AGAP1: variants seen among roughly 807,000 people sequenced by gnomAD.
AGAP1 encodes the protein arf-GAP with GTPase, ANK repeat and PH domain-containing protein 1.
AGAP1 carries 29 observed loss-of-function variants against 105.3 expected under a neutral mutation model. That is an observed-to-expected ratio of 0.28 (90% CI 0.21 to 0.38). The LOEUF is 0.38. AGAP1 is among the 10% of genes least tolerant of loss of function. The pLI, the probability that AGAP1 is intolerant of heterozygous loss-of-function variation, is 1.00. For synonymous variants in AGAP1, 509 were observed against 485.9 expected (o/e 1.05, Z -0.63); for missense variants, 998 against 1,165.1 (o/e 0.86, Z 2.09).
chr2:235,597,686 CCTGT>C (rs1174299139), intron 1 of AGAP1, among the ~76,000 whole-genome samples: 1 of 151,900 alleles, frequency 6.6e-6, no homozygotes, highest in Non-Finnish European at 1.5e-5. Flanking sequence ...CCGCTGGGGC[CCTGT>C]CTGTGTGGAG....
Position 235,734,057 on chromosome 2 carries a change from T to C in AGAP1, c.311-6906T>C, listed in dbSNP as rs986912010. Among the ~76,000 whole-genome samples the C allele has an allele frequency of 7.2e-5, 11 of 152,212 alleles. No homozygotes were observed. Among genetic ancestry groups the C allele is most frequent in the Admixed American group, 5.9e-4 (9 of 15,286 alleles). On this transcript the variant is annotated intron_variant, in intron 3 of 17. Transcript: ENST00000304032. This position sits in a 1 kb window ranked among gnomAD's most constrained non-coding sequence, Gnocchi z 5.3. ...GAGCCAAACTTATTTTTTACAAATT[T>C]CTGGCGCATTCATGATTGAAATTTT...
At chr2:235,688,037 G>A (rs969110979) in intron 1 of AGAP1, among the ~76,000 whole-genome samples, 1 of 151,894 alleles carries the variant, frequency 6.6e-6, no homozygotes, top group Non-Finnish European at 1.5e-5. Context: ...GAGTAGCTGG[G>A]ATTACAGGCA....
rs539168399 is a variant in AGAP1 at position 235,515,943 on chromosome 2, A to G, written c.163+21094A>G. Reference sequence around the variant, plus strand: ...TAAGGGCCTGCTAGGAGCGGGGAGAAGTTGGTTGCTGGGGTGTGCGGCCTC... The same window carrying G: ...TAAGGGCCTGCTAGGAGCGGGGAGAGGTTGGTTGCTGGGGTGTGCGGCCTC... On this transcript the variant is annotated intron_variant, in intron 1 of 17. Transcript: ENST00000304032. 6.6e-5 allele frequency among the ~76,000 whole-genome samples: 10 copies of G among 152,194 alleles called. No individual in the cohort carries two copies. In the South Asian group the frequency reaches 2.1e-3, roughly 32 times the overall value.
chr2:236,094,838 A>G (rs2059152528), intron 16 of AGAP1, among the ~76,000 whole-genome samples: 1 of 149,344 alleles, frequency 6.7e-6, no homozygotes, highest in African/African-American at 2.5e-5. Flanking sequence ...TAATCCTAAA[A>G]CTTTCAGAGG....
chr2:235,885,478 T>C (rs2050233408), intron 10 of AGAP1, among the ~76,000 whole-genome samples: 2 of 152,234 alleles, frequency 1.3e-5, no homozygotes, highest in South Asian at 2.1e-4. Flanking sequence ...TTCCTAGCAA[T>C]TGGCTTCCTG....
At position 235,927,786 on chromosome 2, in the gene AGAP1, G is replaced by T. The variant is rs1271939664; in HGVS notation, c.1325-2979G>T. The stretch of plus-strand genomic sequence containing the variant: ...CGGAGAACCACTCTCCAGGGAGAAG[G>T]AGCAAGAGAAGCGGTGCTCTATTGA... On this transcript the variant is annotated intron_variant, in intron 11 of 17. Transcript: ENST00000304032. The surrounding 1 kb of genome is among the most constrained non-coding windows in gnomAD (Gnocchi z 4.4). Among the ~76,000 whole-genome samples, 1 of 152,220 alleles carries T rather than the reference G, an allele frequency of 6.6e-6. No individual in the cohort carries two copies. The highest frequency in any genetic ancestry group is 1.5e-5 in the Non-Finnish European group (1 of 68,040).
chr2:236,040,866 G>C lies in AGAP1; in HGVS notation c.1891+25G>C. The stretch of plus-strand genomic sequence containing the variant: ...AGTAAGTGTGTGCGGTGGTAGCAGG[G>C]GCTGGCGCTGTGTAGCTGGAGACCA... On this transcript the variant is annotated intron_variant, in intron 15 of 17. Transcript: ENST00000304032. The surrounding 1 kb of genome is among the most constrained non-coding windows in gnomAD (Gnocchi z 5.6). 6.2e-7 allele frequency: 1 copy of C among 1,613,184 alleles called. No homozygotes were observed. Among genetic ancestry groups the C allele is most frequent in the Non-Finnish European group, 8.5e-7 (1 of 1,179,238 alleles).
At chr2:235,757,661 GCCGAGAGC>G (rs940938991) in intron 6 of AGAP1, among the ~76,000 whole-genome samples, 1 of 152,182 alleles carries the variant, frequency 6.6e-6, no homozygotes, top group African/African-American at 2.4e-5. Context: ...TCTAACCCAT[GCCGAGAGC>G]CCGAGCTGGG....
intron 1 of AGAP1, among the ~76,000 whole-genome samples, chr2:235,584,669 C>T (rs562995632): frequency 6.6e-6 from 1 of 151,926 alleles, no homozygotes; most frequent in Admixed American, 6.6e-5. Context: ...TTTTGAACTT[C>T]TGGCTTCCAG....
rs2058180260 is a variant in AGAP1, at chr2:236,061,029, C to T, written c.2114+11748C>T. Among the ~76,000 whole-genome samples the T allele has an allele frequency of 6.6e-6, 1 of 152,156 alleles. No homozygotes were observed. The highest frequency in any genetic ancestry group is 1.5e-5 in the Non-Finnish European group (1 of 68,032). On this transcript the variant is annotated intron_variant, in intron 16 of 17. Transcript: ENST00000304032. This position sits in a 1 kb window ranked among gnomAD's most constrained non-coding sequence, Gnocchi z 4.1. ...AGTGAGCCGTTATCACGTCACTCCACTCTAGCCTGGATAACAGAACAAGAC... is the reference window on the plus strand; with the variant it reads ...AGTGAGCCGTTATCACGTCACTCCATTCTAGCCTGGATAACAGAACAAGAC...
chr2:235,550,234 G>A lies in AGAP1; in HGVS notation c.163+55385G>A, dbSNP rs1200877452. ...CACAGGCAGCCCGAGGCACCTCCTCGTCACAGTGTTCTCCGCAGCCCTGAC... is the reference window on the plus strand; with the variant it reads ...CACAGGCAGCCCGAGGCACCTCCTCATCACAGTGTTCTCCGCAGCCCTGAC... On this transcript the variant is annotated intron_variant, in intron 1 of 17. Coordinates refer to ENST00000304032, the MANE Select transcript of AGAP1 (RefSeq NM_001037131.3). This position sits in a 1 kb window ranked among gnomAD's most constrained non-coding sequence, Gnocchi z 4.6. Among the ~76,000 whole-genome samples the A allele has an allele frequency of 2.0e-5, 3 of 152,100 alleles. No homozygotes were observed. The highest frequency in any genetic ancestry group is 2.1e-4 in the South Asian group (1 of 4,818).
Position 235,830,008 on chromosome 2 carries a change from C to T in AGAP1, c.1050+22677C>T, listed in dbSNP as rs1017674487. Reference sequence around the variant, plus strand: ...CTGGGGGCACATGGGGACCAGGACACCTGGACATACACAGTCAGAAGGAAG... The same window carrying T: ...CTGGGGGCACATGGGGACCAGGACATCTGGACATACACAGTCAGAAGGAAG... On this transcript the variant is annotated intron_variant, in intron 9 of 17. Coordinates refer to ENST00000304032, the MANE Select transcript of AGAP1 (RefSeq NM_001037131.3). This position sits in a 1 kb window ranked among gnomAD's most constrained non-coding sequence, Gnocchi z 5.5. Among the ~76,000 whole-genome samples the T allele has an allele frequency of 3.3e-5, 5 of 152,030 alleles. No homozygotes were observed. Among genetic ancestry groups the T allele is most frequent in the African/African-American group, 4.8e-5 (2 of 41,372 alleles).
At chr2:235,562,502 C>T (rs1447713237) in intron 1 of AGAP1, among the ~76,000 whole-genome samples, 7 of 152,112 alleles carry the variant, frequency 4.6e-5, no homozygotes, top group South Asian at 2.1e-4. Context: ...GCAGTCAACT[C>T]GCCAAGGTGC....
rs548589813 is a variant in AGAP1, at chr2:235,960,725, G to A, written c.1484-7737G>A. ...ATCAGCCCCGTGGGACAGGGGTCTT[G>A]CCCTTTATTCTCTGACAGCGGCCAG... On this transcript the variant is annotated intron_variant, in intron 12 of 17. Coordinates refer to ENST00000304032, the MANE Select transcript of AGAP1 (RefSeq NM_001037131.3). The surrounding 1 kb of genome is among the most constrained non-coding windows in gnomAD (Gnocchi z 4.9). Among the ~76,000 whole-genome samples, 1 of 152,208 alleles carries A rather than the reference G, an allele frequency of 6.6e-6. No homozygotes were observed. Among genetic ancestry groups the A allele is most frequent in the African/African-American group, 2.4e-5 (1 of 41,450 alleles).
At position 235,747,863 on chromosome 2, in the gene AGAP1, A is replaced by G. The variant is rs966737222; in HGVS notation, c.539-2491A>G. Among the ~76,000 whole-genome samples the G allele has an allele frequency of 6.6e-6, 1 of 152,186 alleles. No homozygotes were observed. The highest frequency in any genetic ancestry group is 2.4e-5 in the African/African-American group (1 of 41,454). ...TAGGCAGCGTTAGAGGTCAGAGCAT[A>G]TGGGATGGGAAAGAACGGAAGAGGA... On this transcript the variant is annotated intron_variant, in intron 5 of 17. Transcript: ENST00000304032. This position sits in a 1 kb window ranked among gnomAD's most constrained non-coding sequence, Gnocchi z 5.0.
rs1285735089 is a variant in AGAP1, at chr2:235,578,248, C to T, written c.163+83399C>T. Among the ~76,000 whole-genome samples, 2 of 152,152 alleles carry T rather than the reference C, an allele frequency of 1.3e-5. No individual in the cohort carries two copies. Among genetic ancestry groups the T allele is most frequent in the Non-Finnish European group, 2.9e-5 (2 of 68,038 alleles). ...AGCCTGAGCTCCACGGTGCCCGTCT[C>T]CTACCTGCACTGTGCCCCCACACCT... On this transcript the variant is annotated intron_variant, in intron 1 of 17. Transcript: ENST00000304032. The surrounding 1 kb of genome is among the most constrained non-coding windows in gnomAD (Gnocchi z 4.9).
intron 1 of AGAP1, among the ~76,000 whole-genome samples, chr2:235,603,590 A>G (rs1053600379): frequency 1.3e-5 from 2 of 152,226 alleles, no homozygotes; most frequent in Admixed American, 6.5e-5. Flanking sequence ...TGCTTTAAGA[A>G]ACTGTAGTAT....
intron 1 of AGAP1, among the ~76,000 whole-genome samples, chr2:235,640,900 C>G (rs1947168461): frequency 6.6e-6 from 1 of 152,164 alleles, no homozygotes; most frequent in Admixed American, 6.5e-5. Context: ...ACTGCTTTCA[C>G]TCATTTAGGT....
chr2:235,880,931 A>G (rs1251414720), intron 9 of AGAP1, among the ~76,000 whole-genome samples: 1 of 152,144 alleles, frequency 6.6e-6, no homozygotes, highest in Admixed American at 6.5e-5. Flanking sequence ...TTGGTTTGCA[A>G]CTTAGTAGCA....
Sources: gnomAD v4.1 joint callset for allele counts (sites outside exome capture counted in the v4.1 genomes callset) on GRCh38, gnomAD v4.1.1 for gene constraint, Gnocchi (gnomAD v3.1) non-coding constraint, MANE v1.5 for transcripts, NCBI Gene and HGNC (gene_info 2026-07-23, HGNC 2026-07-21) for gene names.